Variants in TNKS2 observed in about 807,000 individuals in gnomAD.
The protein encoded by TNKS2 is tankyrase 2, also known as poly [ADP-ribose] polymerase tankyrase-2.
Under a neutral mutation model 137.6 loss-of-function variants are expected in TNKS2, and 72 were observed. That is an observed-to-expected ratio of 0.52 (90% CI 0.43 to 0.64). The LOEUF is 0.64. Ranked by LOEUF, TNKS2 falls within the 30% of genes least tolerant of loss-of-function variation. The pLI, the probability that TNKS2 is intolerant of heterozygous loss-of-function variation, is 0.00. For synonymous variants in TNKS2, 516 were observed against 512.1 expected, an observed-to-expected ratio of 1.01 and a Z score of -0.10; for missense variants, 1,049 against 1,410.2, an observed-to-expected ratio of 0.74 and a Z score of 4.10.
intron 6 of TNKS2, 35 bp from the exon 7 acceptor site, chr10:91,822,261 A>G (rs777293555): frequency 6.4e-7 from 1 of 1,558,760 alleles, no homozygotes; most frequent in Non-Finnish European, 8.8e-7. Context: ...AGAAATCTAT[A>G]CTGAAACAGG....
chr10:91,816,459 G>C (rs184348986), intron 2 of TNKS2, among the ~76,000 whole-genome samples: 1 of 151,998 alleles, frequency 6.6e-6, no homozygotes, highest in Non-Finnish European at 1.5e-5. Flanking sequence ...TTTGCACCTC[G>C]GTTTCAATGT....
intron 11 of TNKS2, among the ~76,000 whole-genome samples, chr10:91,833,154 T>TAG (rs1472394728): frequency 6.6e-6 from 1 of 152,210 alleles, no homozygotes; most frequent in East Asian, 1.9e-4. Context: ...CCTGTAGAGA[T>TAG]ATAGAACATT....
At chr10:91,861,492 A>AG (rs35863117) in intron 25 of TNKS2, among the ~76,000 whole-genome samples, 49,622 of 152,084 alleles carry the variant, frequency 0.33, 8,612 homozygotes, top group South Asian at 0.53. Flanking sequence ...GAATTACAGA[A>AG]GAAACAGGAA....
chr10:91,822,654 C>T (rs1424266680), intron 7 of TNKS2, among the ~76,000 whole-genome samples: 2 of 151,604 alleles, frequency 1.3e-5, no homozygotes, highest in African/African-American at 2.4e-5. Flanking sequence ...CACCCTCCAC[C>T]TCCAGGGTTC....
intron 1 of TNKS2, among the ~76,000 whole-genome samples, chr10:91,800,122 G>T (rs1003570278): frequency 3.9e-5 from 6 of 152,152 alleles, no homozygotes; most frequent in African/African-American, 1.4e-4. Flanking sequence ...CTTTTAAAAA[G>T]AAGAAAGTTT....
chr10:91,840,704 A>AG lies in TNKS2; in HGVS notation c.1673+1dup. ...GAGCTGATGTGCATGCTAAAGATAAAGGGTAAATGCCAATGATTGTTATGG... is the reference window on the plus strand; with the variant it reads ...GAGCTGATGTGCATGCTAAAGATAAAGGGGTAAATGCCAATGATTGTTATGG... On this transcript the variant is annotated frameshift_variant and splice_region_variant, in exon 14 of 27. Transcript: ENST00000371627. LOFTEE classifies it high-confidence loss of function. 2 of 1,612,294 alleles carry AG rather than the reference A, an allele frequency of 1.2e-6. No individual in the cohort carries two copies. The highest frequency in any genetic ancestry group is 1.7e-6 in the Non-Finnish European group (2 of 1,179,252).
chr10:91,835,675 T>A (rs932578037), intron 12 of TNKS2, among the ~76,000 whole-genome samples: 6 of 150,424 alleles, frequency 4.0e-5, no homozygotes, highest in African/African-American at 1.5e-4. Flanking sequence ...TCACCCAGGC[T>A]GGAGTACAGT....
At chr10:91,843,320 C>T (rs1372609109) in intron 16 of TNKS2, among the ~76,000 whole-genome samples, 1 of 152,214 alleles carries the variant, frequency 6.6e-6, no homozygotes, top group African/African-American at 2.4e-5. Flanking sequence ...TGTCTACCTT[C>T]TCAGTGTGTC....
At chr10:91,844,277 T>G (rs894000165) in intron 16 of TNKS2, among the ~76,000 whole-genome samples, 6 of 152,370 alleles carry the variant, frequency 3.9e-5, no homozygotes, top group Admixed American at 3.9e-4. Context: ...TTTATAATTG[T>G]ATTCTTCTTT....
At chr10:91,817,943 T>TA (rs1468206762) in intron 3 of TNKS2, among the ~76,000 whole-genome samples, 1 of 152,236 alleles carries the variant, frequency 6.6e-6, no homozygotes, top group Non-Finnish European at 1.5e-5. Flanking sequence ...GAATCATACC[T>TA]AATCTAAAGT....
Position 91,822,746 on chromosome 10 carries a change from T to C in TNKS2, c.795+384T>C, listed in dbSNP as rs538571656. ...ACGCCCAGCTAAGTTTTGTTAGAGATGGAGTTTCACCATGTTGGCCAGGCT... is the reference window on the plus strand; with the variant it reads ...ACGCCCAGCTAAGTTTTGTTAGAGACGGAGTTTCACCATGTTGGCCAGGCT... On this transcript the variant is annotated intron_variant, in intron 7 of 26. Coordinates refer to ENST00000371627, the MANE Select transcript of TNKS2 (RefSeq NM_025235.4). Among the ~76,000 whole-genome samples, 7 of 152,040 alleles carry C rather than the reference T, an allele frequency of 4.6e-5. No individual in the cohort carries two copies. The South Asian group carries it at 8.3e-4, about 18-fold the overall frequency.
In TNKS2 at chr10:91,813,016, T is replaced by A. The variant is rs371801860; in HGVS notation, c.233T>A (p.Leu78His). Residue 78 changes from leucine to histidine, a missense_variant, in exon 2 of 27, where the codon CTT becomes CAT. By Grantham distance (99) the Leu-to-His change is moderately conservative. Transcript: ENST00000371627. The part of the protein sequence containing the change: ...FGRKDVVEYL[L>H]QNGANVQARD... ...CGGAAAGACGTAGTTGAATATTTGC[T>A]TCAGAATGGTGCAAATGTCCAAGCA... is the stretch of plus-strand genomic sequence containing the variant. 1.7e-5 allele frequency: 28 copies of A among 1,614,210 alleles called. No homozygotes were observed. Among genetic ancestry groups the A allele is most frequent in the Non-Finnish European group, 2.4e-5 (28 of 1,180,026 alleles).
intron 7 of TNKS2, among the ~76,000 whole-genome samples, chr10:91,825,773 G>T (rs1845047214): frequency 6.6e-6 from 1 of 152,214 alleles, no homozygotes; most frequent in African/African-American, 2.4e-5. Context: ...CTTGGAAATG[G>T]CTAAAATTAA....
rs1207864174 is a variant in TNKS2 at position 91,857,434 on chromosome 10, G to A, written c.2998G>A (p.Val1000Ile). The stretch of plus-strand genomic sequence containing the variant: ...GGTTTATTTTTTATAGATTCAGAAG[G>A]TTTGTAACAAGAAACTATGGGAAAG... ...NRYNILKIQK[V>I]CNKKLWERYT... Residue 1000 changes from valine (V) to isoleucine (I), a missense_variant, in exon 24 of 27, where the codon GTT (valine) becomes ATT (isoleucine). By Grantham distance (29) the Val-to-Ile change is conservative. Coordinates refer to ENST00000371627, the MANE Select transcript of TNKS2 (RefSeq NM_025235.4). 4 of 1,604,360 alleles carry A rather than the reference G, an allele frequency of 2.5e-6. No homozygotes were observed. Among genetic ancestry groups the A allele is most frequent in the Non-Finnish European group, 3.4e-6 (4 of 1,174,230 alleles).
At chr10:91,842,632 A>G (rs1289488605) in intron 16 of TNKS2, among the ~76,000 whole-genome samples, 2 of 152,064 alleles carry the variant, frequency 1.3e-5, no homozygotes, top group Admixed American at 6.5e-5. Context: ...AAAATTAGCC[A>G]GGAGTGGTGG....
At chr10:91,805,585 T>C (rs1192512290) in intron 1 of TNKS2, among the ~76,000 whole-genome samples, 1 of 152,212 alleles carries the variant, frequency 6.6e-6, no homozygotes, top group Non-Finnish European at 1.5e-5. Flanking sequence ...CAGTTGACAC[T>C]GTCTCTCATA....
intron 21 of TNKS2, among the ~76,000 whole-genome samples, chr10:91,853,627 A>C (rs1463653272): frequency 6.6e-6 from 1 of 152,230 alleles, no homozygotes; most frequent in East Asian, 1.9e-4. Context: ...CTGATCTTTC[A>C]GTATTGATAA....
chr10:91,837,122 T>C, intron 13 of TNKS2, 124 bp downstream of exon 13: 1 of 855,262 alleles, frequency 1.2e-6, no homozygotes, highest in Non-Finnish European at 1.7e-6. Context: ...AGGTCAATAA[T>C]ACAATCTTAA....
intron 18 of TNKS2, among the ~76,000 whole-genome samples, chr10:91,847,856 T>C (rs1842424536): frequency 6.6e-6 from 1 of 152,258 alleles, no homozygotes; most frequent in Non-Finnish European, 1.5e-5. Flanking sequence ...TTAAAATTGA[T>C]ATTTCTGTAA....
Sources: allele counts gnomAD v4.1 joint callset (sites outside exome capture counted in the v4.1 genomes callset), GRCh38; gene constraint gnomAD v4.1.1; transcripts MANE v1.5; gene names NCBI Gene and HGNC (gene_info 2026-07-23, HGNC 2026-07-21).